POLQ: variants seen among roughly 807,000 people sequenced by gnomAD.
POLQ encodes the protein epididymis secretory sperm binding protein.
In POLQ, 233 loss-of-function variants were observed where a neutral mutation model predicts 259.2. That is an observed-to-expected ratio of 0.90 (90% CI 0.81 to 1.00). The LOEUF (loss-of-function observed/expected upper bound fraction) is 1.00, where lower values mean the gene tolerates loss of function less well. POLQ is among the 50% of genes least tolerant of loss of function. The pLI, the probability that POLQ is intolerant of heterozygous loss-of-function variation, is 0.00. For missense variants in POLQ, 2,871 were observed against 3,051.6 expected, an observed-to-expected ratio of 0.94 and a Z score of 1.39; for synonymous variants, 1,025 against 1,048.8, an observed-to-expected ratio of 0.98 and a Z score of 0.44.
chr3:121,445,602 C>G (rs971099088), intron 26 of POLQ, among the ~76,000 whole-genome samples: 24 of 152,160 alleles, frequency 1.6e-4, no homozygotes, highest in African/African-American at 5.3e-4. Flanking sequence ...GTGGCTCAAG[C>G]CTGTAATCCC....
In POLQ at chr3:121,489,428, A is replaced by AT. The variant is rs2048044750; in HGVS notation, c.3502dup (p.Ile1168AsnfsTer3). ...ACCATTTTGTATCAGCACTTCATTTATTTTTTCTGCCTCAACAGCTACTCC... is the reference window on the plus strand; with the variant it reads ...ACCATTTTGTATCAGCACTTCATTTATTTTTTTCTGCCTCAACAGCTACTCC... On this transcript the variant is annotated frameshift_variant, in exon 16 of 30. Coordinates refer to ENST00000264233, the MANE Select transcript of POLQ (RefSeq NM_199420.4). LOFTEE classifies it high-confidence loss of function. The AT allele has an allele frequency of 1.2e-6, 2 of 1,613,744 alleles. No individual in the cohort carries two copies. The highest frequency in any genetic ancestry group is 1.1e-5 in the South Asian group (1 of 91,038).
At position 121,492,644 on chromosome 3, in the gene POLQ, T is replaced by A. The variant is rs562867237; in HGVS notation, c.2522+834A>T. Among the ~76,000 whole-genome samples, 6 of 152,012 alleles carry A rather than the reference T, an allele frequency of 3.9e-5. No individual in the cohort carries two copies. The East Asian group carries it at 7.7e-4, about 20-fold the overall frequency. On this transcript the variant is annotated intron_variant, in intron 15 of 29. Coordinates refer to ENST00000264233, the MANE Select transcript of POLQ (RefSeq NM_199420.4). ...CCAAACTTTTGCTCAGTACTTTTTTTTTTTTTTTTGAGACACGATCTTACT... is the reference window on the plus strand; with the variant it reads ...CCAAACTTTTGCTCAGTACTTTTTTATTTTTTTTTGAGACACGATCTTACT...
chr3:121,434,513 T>C (rs2047527256), intron 28 of POLQ, among the ~76,000 whole-genome samples: 1 of 152,238 alleles, frequency 6.6e-6, no homozygotes, highest in Non-Finnish European at 1.5e-5. Context: ...ATGAGTTTAA[T>C]TATATATTCT....
In POLQ at chr3:121,493,588, A is replaced by G. The variant is rs1461894410; in HGVS notation, c.2412T>C (p.Ala804=). The G allele has an allele frequency of 6.2e-7, 1 of 1,614,106 alleles. No homozygotes were observed. The highest frequency in any genetic ancestry group is 1.1e-5 in the South Asian group (1 of 91,078). ...CDLVRVSLLN[A]QRARVLYASG... ...AAGCATAGAGAACCCTGGCTCTCTGAGCATTTAGTAAGGATACCCGAACCA... is the reference window on the plus strand; with the variant it reads ...AAGCATAGAGAACCCTGGCTCTCTGGGCATTTAGTAAGGATACCCGAACCA... Residue 804 remains alanine (A), a synonymous_variant, in exon 15 of 30, where the codon GCT becomes GCC. Transcript: ENST00000264233.
At chr3:121,478,386 C>T (rs2047943864) in intron 19 of POLQ, among the ~76,000 whole-genome samples, 1 of 151,632 alleles carries the variant, frequency 6.6e-6, no homozygotes, top group African/African-American at 2.4e-5. Flanking sequence ...GAAGAAACAA[C>T]CAAGAAGAAA....
At chr3:121,515,994 AAG>A (rs2048291610) in intron 9 of POLQ, among the ~76,000 whole-genome samples, 2 of 152,064 alleles carry the variant, frequency 1.3e-5, no homozygotes, top group Non-Finnish European at 1.5e-5. Context: ...ATAAAAAAGA[AAG>A]AGAAATCTTA....
At chr3:121,457,156 G>A (rs2047748268) in intron 25 of POLQ, among the ~76,000 whole-genome samples, 1 of 152,140 alleles carries the variant, frequency 6.6e-6, no homozygotes, top group Non-Finnish European at 1.5e-5. Context: ...TTTAATAAAT[G>A]GTGCTGGGAA....
chr3:121,481,147 C>T (rs945266605), intron 19 of POLQ, among the ~76,000 whole-genome samples: 5 of 152,294 alleles, frequency 3.3e-5, no homozygotes, highest in African/African-American at 7.2e-5. Context: ...TTTTGAAATC[C>T]ATTAAGGATG....
intron 14 of POLQ, among the ~76,000 whole-genome samples, chr3:121,495,848 CAAAAAAAAAAAAAAAA>C (rs34476932): frequency 3.6e-5 from 1 of 28,120 alleles, no homozygotes; most frequent in African/African-American, 1.3e-4. Flanking sequence ...GACTCTGTCT[CAAAAAAAAAAAAAAAA>C]AAAAAAAAGA....
At chr3:121,494,649 A>G in intron 14 of POLQ, 1 of 1,523,194 alleles carries the variant, frequency 6.6e-7, no homozygotes, top group Non-Finnish European at 9.0e-7. Flanking sequence ...GGGGTCCCTT[A>G]CTGCATTACC....
chr3:121,432,112 C>A lies in POLQ; in HGVS notation c.*192G>T. 1 of 465,990 alleles carries A rather than the reference C, an allele frequency of 2.1e-6. No individual in the cohort carries two copies. The highest frequency in any genetic ancestry group is 5.5e-5 in the South Asian group (1 of 18,100). The allele number at this position is 465,990 out of a possible 1,614,324, so 28.9% of individuals were successfully genotyped here. On this transcript the variant is annotated 3_prime_UTR_variant, in exon 30 of 30. Transcript: ENST00000264233. The stretch of plus-strand genomic sequence containing the variant: ...TATTATACTTGGTATTCTACTTCCC[C>A]CACGCCCCCAGAAGTTTTTGATGCT...
rs535336054 is a variant in POLQ at position 121,519,039 on chromosome 3, A to G, written c.1468+832T>C. On this transcript the variant is annotated intron_variant, in intron 9 of 29. Transcript: ENST00000264233. The stretch of plus-strand genomic sequence containing the variant: ...AAAAACAATCATAACTTGCTGATAC[A>G]AGGTAAAAAAAAATGAAAAGGTGTT... Among the ~76,000 whole-genome samples the G allele has an allele frequency of 2.0e-5, 3 of 152,236 alleles. No homozygotes were observed. The East Asian group carries it at 5.8e-4, about 29-fold the overall frequency.
chr3:121,544,704 T>C (rs2108823921), intron 2 of POLQ, 23 bp downstream of exon 2: 1 of 1,471,004 alleles, frequency 6.8e-7, no homozygotes. Flanking sequence ...AAAATAGTAA[T>C]TAGTTTACAT....
At chr3:121,498,255 A>G (rs1347499706) in intron 13 of POLQ, among the ~76,000 whole-genome samples, 1 of 152,130 alleles carries the variant, frequency 6.6e-6, no homozygotes. Flanking sequence ...GGTTGCGGTG[A>G]GCTGAGATCG....
At chr3:121,541,558 G>C in intron 2 of POLQ, 79 bp from the exon 3 acceptor site, 1 of 1,300,654 alleles carries the variant, frequency 7.7e-7, no homozygotes, top group Non-Finnish European at 1.1e-6. Flanking sequence ...TTTAAGCCAT[G>C]TGTAGTACTA....
chr3:121,485,217 C>T (rs1384767426), intron 16 of POLQ, 33 bp from the exon 17 acceptor site: 2 of 1,444,614 alleles, frequency 1.4e-6, no homozygotes, highest in Non-Finnish European at 1.9e-6. Context: ...AGTTAAAAAT[C>T]TCTAAAAATA....
rs2048023050 is a variant in POLQ, at chr3:121,487,598, G to A, written c.5333C>T (p.Ser1778Leu). The A allele has an allele frequency of 6.2e-7, 1 of 1,614,008 alleles. No homozygotes were observed. The highest frequency in any genetic ancestry group is 8.5e-7 in the Non-Finnish European group (1 of 1,179,948). The change falls in exon 16 of 30, where the codon TCA (serine) becomes TTA (leucine). Residue 1778 changes from serine (S) to leucine (L), a missense_variant. This residue lies in a region of POLQ where 2,080 missense variants were observed against 2,126.0 expected (regional missense o/e 0.98). Transcript: ENST00000264233. Reference sequence around the variant, plus strand: ...ACTTAAATCGTGGTTTTTAATATCTGAAGGTGAGCCAAATAAATAACTTTC... The same window carrying A: ...ACTTAAATCGTGGTTTTTAATATCTAAAGGTGAGCCAAATAAATAACTTTC... ...PGESYLFGSPSDIKNHDLSPG... is the reference protein window; with the variant it reads ...PGESYLFGSPLDIKNHDLSPG...
At chr3:121,529,456 T>A (rs975569039) in intron 7 of POLQ, among the ~76,000 whole-genome samples, 189 bp downstream of exon 7, 10 of 152,336 alleles carry the variant, frequency 6.6e-5, no homozygotes, top group African/African-American at 1.9e-4. Context: ...TGTGTGTGTA[T>A]ACATAGTCTA....
In POLQ at chr3:121,545,745, G is replaced by A. The variant is rs769452514; in HGVS notation, c.133C>T (p.Leu45Phe). The stretch of plus-strand genomic sequence containing the variant: ...GCTGCGGCCTTCAGGCAGCGACCAA[G>A]GCCGGGCGGCGGGCTCAGCACGGAC... ...SGSVLSPPPG[L>F]GRCLKAAAAG... The change falls in exon 1 of 30, where the codon CTT becomes TTT. Residue 45 changes from leucine to phenylalanine, a missense_variant. Transcript: ENST00000264233. 4 of 1,591,286 alleles carry A rather than the reference G, an allele frequency of 2.5e-6. No homozygotes were observed. The Admixed American group carries it at 5.3e-5, about 21-fold the overall frequency.
Sources: gnomAD v4.1 joint callset for allele counts (sites outside exome capture counted in the v4.1 genomes callset) on GRCh38, gnomAD v4.1.1 for gene constraint, gnomAD v4.1.1 regional missense constraint, MANE v1.5 for transcripts, NCBI Gene and HGNC (gene_info 2026-07-23, HGNC 2026-07-21) for gene names.